PKD1L1: variants seen among roughly 807,000 people sequenced by gnomAD.
PKD1L1 encodes the protein polycystin 1 like 1, transient receptor potential channel interacting.
Under a neutral mutation model 323.4 loss-of-function variants are expected in PKD1L1, and 236 were observed. That is an observed-to-expected ratio of 0.73 (90% CI 0.66 to 0.81). The LOEUF is 0.81. PKD1L1 is among the 40% of genes least tolerant of loss of function. PKD1L1 has a pLI of 0.00. For synonymous variants in PKD1L1, 1,344 were observed against 1,335.0 expected (o/e 1.01, Z -0.15); for missense variants, 3,320 against 3,508.0 (o/e 0.95, Z 1.35).
intron 17 of PKD1L1, 75 bp from the exon 18 acceptor site, chr7:47,886,129 A>G: frequency 1.3e-6 from 2 of 1,501,658 alleles, no homozygotes; most frequent in Non-Finnish European, 8.9e-7. Context: ...TCTACAGACT[A>G]TGTAAGGATG....
At chr7:47,799,400 G>T (rs1784612832) in intron 54 of PKD1L1, among the ~76,000 whole-genome samples, 1 of 152,166 alleles carries the variant, frequency 6.6e-6, no homozygotes, top group Non-Finnish European at 1.5e-5. Flanking sequence ...AATACCAGTA[G>T]ACTTTTAAGG....
chr7:47,908,043 G>A, intron 9 of PKD1L1, 34 bp downstream of exon 9: 1 of 1,599,024 alleles, frequency 6.3e-7, no homozygotes, highest in Non-Finnish European at 8.5e-7. Context: ...TATAGTTGAA[G>A]TGTGCTTGCT....
At chr7:47,950,962 C>G (rs182664492), upstream of PKD1L1, among the ~76,000 whole-genome samples, 66 of 152,264 alleles carry the variant, frequency 4.3e-4, no homozygotes, top group Non-Finnish European at 7.4e-4. Flanking sequence ...TGGGGTTTGC[C>G]GAGCACTGCA....
At chr7:47,895,161 G>A (rs1485641731) in intron 14 of PKD1L1, among the ~76,000 whole-genome samples, 1 of 152,180 alleles carries the variant, frequency 6.6e-6, no homozygotes, top group Admixed American at 6.5e-5. Flanking sequence ...GGGCTGTTCA[G>A]GAGCAAAGGA....
At position 47,890,571 on chromosome 7, in the gene PKD1L1, G is replaced by A. The variant is rs752196432; in HGVS notation, c.2646C>T (p.Phe882=). The change falls in exon 16 of 57, where the codon TTC becomes TTT. Residue 882 remains phenylalanine (F), a synonymous_variant. Transcript: ENST00000289672. The part of the protein sequence containing the change: ...GGRNSSETRV[F]LSPYPDSAFR... ...ACGCCGAGTCAGGGTAGGGGGACAGGAACACCCGGGTCTCAGAAGAGTTCC... is the reference window on the plus strand; with the variant it reads ...ACGCCGAGTCAGGGTAGGGGGACAGAAACACCCGGGTCTCAGAAGAGTTCC... The A allele has an allele frequency of 1.2e-6, 2 of 1,614,106 alleles. No homozygotes were observed. Among genetic ancestry groups the A allele is most frequent in the Non-Finnish European group, 8.5e-7 (1 of 1,180,020 alleles).
intron 52 of PKD1L1, among the ~76,000 whole-genome samples, chr7:47,804,469 A>ATTTTT (rs71966592): frequency 8.1e-5 from 10 of 123,038 alleles, no homozygotes; most frequent in East Asian, 2.4e-4. Flanking sequence ...TACATTTTTA[A>ATTTTT]TTTTTTTTTT....
At chr7:47,921,206 A>T (rs558404251) in intron 7 of PKD1L1, among the ~76,000 whole-genome samples, 1 of 151,090 alleles carries the variant, frequency 6.6e-6, no homozygotes, top group Non-Finnish European at 1.5e-5. Flanking sequence ...ATCCCATCAA[A>T]AAGTGGCCTA....
intron 17 of PKD1L1, among the ~76,000 whole-genome samples, chr7:47,886,772 A>G (rs111779902): frequency 0.045 from 6,816 of 152,236 alleles, 367 homozygotes; most frequent in African/African-American, 0.13. Context: ...CAGAACCATA[A>G]GCCAAAATAA....
intron 9 of PKD1L1, 84 bp downstream of exon 9, chr7:47,907,993 C>G (rs2128751490): frequency 1.5e-6 from 2 of 1,359,178 alleles, no homozygotes; most frequent in Non-Finnish European, 2.0e-6. Flanking sequence ...ACTGCTATAA[C>G]TTGAACAGTA....
At chr7:47,933,526 C>T (rs903467713) in intron 4 of PKD1L1, among the ~76,000 whole-genome samples, 12 of 152,118 alleles carry the variant, frequency 7.9e-5, no homozygotes, top group African/African-American at 2.9e-4. Context: ...TGCACTTAAC[C>T]TCAAATCCAA....
chr7:47,899,599 T>C (rs1787034333), intron 13 of PKD1L1, among the ~76,000 whole-genome samples: 1 of 151,476 alleles, frequency 6.6e-6, no homozygotes, highest in Non-Finnish European at 1.5e-5. Flanking sequence ...GCCTCCACCC[T>C]GCAGATGCTG....
chr7:47,832,391 C>T (rs1785365562), intron 41 of PKD1L1, among the ~76,000 whole-genome samples: 1 of 152,216 alleles, frequency 6.6e-6, no homozygotes, highest in African/African-American at 2.4e-5. Context: ...GCTCACCTGC[C>T]TGAAGCTTGT....
chr7:47,854,896 G>C lies in PKD1L1; in HGVS notation c.4845C>G (p.Val1615=), dbSNP rs746898279. 1 of 1,614,090 alleles carries C rather than the reference G, an allele frequency of 6.2e-7. No homozygotes were observed. Among genetic ancestry groups the C allele is most frequent in the Non-Finnish European group, 8.5e-7 (1 of 1,180,008 alleles). Residue 1615 remains valine (V), a synonymous_variant, in exon 30 of 57, where the codon GTC becomes GTG. Transcript: ENST00000289672. The part of the protein sequence containing the change: ...FSKPVTRAFP[V]MLLVRFSEKP... ...CATCAACACACCTTACTAGCAACAT[G>C]ACGGGAAATGCCCTTGTAACAGGTT...
At chr7:47,778,270 T>C (rs919197821) in intron 56 of PKD1L1, among the ~76,000 whole-genome samples, 1 of 152,248 alleles carries the variant, frequency 6.6e-6, no homozygotes, top group African/African-American at 2.4e-5. Context: ...AACACAACAC[T>C]TCCTCACATG....
At chr7:47,869,307 C>T (rs1786231332) in intron 24 of PKD1L1, among the ~76,000 whole-genome samples, 1 of 151,998 alleles carries the variant, frequency 6.6e-6, no homozygotes, top group Admixed American at 6.6e-5. Flanking sequence ...ATGATTCAAC[C>T]AAAAGGCAGA....
chr7:47,939,877 T>G (rs1787947919), intron 3 of PKD1L1, among the ~76,000 whole-genome samples: 1 of 149,578 alleles, frequency 6.7e-6, no homozygotes, highest in African/African-American at 2.5e-5. Flanking sequence ...ACTTCCCACC[T>G]GGGAGGCAGC....
At chr7:47,940,571 C>T (rs191902341) in intron 2 of PKD1L1, among the ~76,000 whole-genome samples, 175 of 152,284 alleles carry the variant, frequency 1.1e-3, no homozygotes, top group Admixed American at 0.01. Context: ...CCACCAGCCA[C>T]GCTGATAATG....
intron 26 of PKD1L1, among the ~76,000 whole-genome samples, chr7:47,859,458 C>CTTTTCCTTT: frequency 6.6e-6 from 1 of 152,004 alleles, no homozygotes; most frequent in African/African-American, 2.4e-5. Context: ...CTCTCTGTTT[C>CTTTTCCTTT]TTTTCCTTTT....
chr7:47,827,103 A>C (rs1409634637), intron 45 of PKD1L1, among the ~76,000 whole-genome samples: 1 of 152,254 alleles, frequency 6.6e-6, no homozygotes, highest in Non-Finnish European at 1.5e-5. Flanking sequence ...TCAACTTCTC[A>C]ACATGGGCAA....
Sources: allele counts gnomAD v4.1 joint callset (sites outside exome capture counted in the v4.1 genomes callset), GRCh38; gene constraint gnomAD v4.1.1; transcripts MANE v1.5; gene names NCBI Gene and HGNC (gene_info 2026-07-23, HGNC 2026-07-21).